TMEM121B: variants seen among roughly 807,000 people sequenced by gnomAD.
The protein encoded by TMEM121B is transmembrane protein 121B.
TMEM121B carries 14 observed loss-of-function variants against 25.1 expected under a neutral mutation model. That is an observed-to-expected ratio of 0.56 (90% CI 0.37 to 0.87). The LOEUF (loss-of-function observed/expected upper bound fraction) is 0.87, where lower values mean the gene tolerates loss of function less well. TMEM121B is among the 40% of genes least tolerant of loss of function. TMEM121B has a pLI of 0.00. For synonymous variants in TMEM121B, 458 were observed against 420.9 expected (o/e 1.09, Z -1.08); for missense variants, 850 against 854.6 (o/e 0.99, Z 0.07).
In TMEM121B at chr22:17,121,176, C is replaced by T. The variant is rs1444298608; in HGVS notation, c.-49G>A. 5 of 1,259,272 alleles carry T rather than the reference C, an allele frequency of 4.0e-6. No homozygotes were observed. The highest frequency in any genetic ancestry group is 5.0e-6 in the Non-Finnish European group (5 of 1,002,074). The allele number at this position is 1,259,272 out of a possible 1,614,324, so 78.0% of individuals were successfully genotyped here. Reference sequence around the variant, plus strand: ...CGCCCAGCTGTTCCCTCCCCGCCAACCCCGGGCGGGCGAGGCGGGCTAGGC... The same window carrying T: ...CGCCCAGCTGTTCCCTCCCCGCCAATCCCGGGCGGGCGAGGCGGGCTAGGC... On this transcript the variant is annotated 5_prime_UTR_variant, in exon 1 of 1. Transcript: ENST00000331437.
Position 17,118,099 on chromosome 22 carries a change from G to GT in TMEM121B, c.*1291_*1292insA, listed in dbSNP as rs2061478078. The GT allele has an allele frequency of 6.6e-6, 1 of 152,194 alleles. No homozygotes were observed. Among genetic ancestry groups the GT allele is most frequent in the Non-Finnish European group, 1.5e-5 (1 of 68,048 alleles). 9.4% of individuals were successfully genotyped at this position (152,194 alleles called of 1,614,324 possible). A position where few individuals can be genotyped will look rare whatever the true frequency, so the allele number is the denominator to read the frequency against. On this transcript the variant is annotated 3_prime_UTR_variant, in exon 1 of 1. Coordinates refer to ENST00000331437, the MANE Select transcript of TMEM121B (RefSeq NM_031890.4). The stretch of plus-strand genomic sequence containing the variant: ...GTAAAAATACTTATCCTGCCTCAAA[G>GT]ACTGCAAGAGTGACATTCCACACCG...
Position 17,119,299 on chromosome 22 carries a change from A to G in TMEM121B, c.*92T>C. The stretch of plus-strand genomic sequence containing the variant: ...GCCCTGAAAAGGGTTACCTCTTCCA[A>G]ATAGACCCTGATCAAATCTAGGTGA... On this transcript the variant is annotated 3_prime_UTR_variant, in exon 1 of 1. Transcript: ENST00000331437. 1 of 1,514,572 alleles carries G rather than the reference A, an allele frequency of 6.6e-7. No homozygotes were observed. Among genetic ancestry groups the G allele is most frequent in the Non-Finnish European group, 8.8e-7 (1 of 1,136,576 alleles). 93.8% of individuals were successfully genotyped at this position (1,514,572 alleles called of 1,614,324 possible).
In TMEM121B at chr22:17,120,409, C is replaced by A; in HGVS notation, c.719G>T (p.Gly240Val). Residue 240 changes from glycine (G) to valine (V), a missense_variant, in exon 1 of 1, where the codon GGC (glycine) becomes GTC (valine). Physicochemically the swap from Gly to Val is moderately radical, Grantham distance 109. Transcript: ENST00000331437. ...WIATDLVVVV[G>V]WAIFFAKNSR... ...GTTCTTGGCGAAGAAGATGGCCCAG[C>A]CCACCACCACCACCAGGTCAGTGGC... 6.4e-7 allele frequency: 1 copy of A among 1,566,534 alleles called. No homozygotes were observed. The highest frequency in any genetic ancestry group is 8.6e-7 in the Non-Finnish European group (1 of 1,162,408).
In TMEM121B at chr22:17,121,145, T is replaced by A. The variant is rs2061498381; in HGVS notation, c.-18A>T. The A allele has an allele frequency of 7.7e-7, 1 of 1,301,770 alleles. No individual in the cohort carries two copies. The highest frequency in any genetic ancestry group is 9.8e-7 in the Non-Finnish European group (1 of 1,024,840). The allele number at this position is 1,301,770 out of a possible 1,614,324, so 80.6% of individuals were successfully genotyped here. A position where few individuals can be genotyped will look rare whatever the true frequency, so the allele number is the denominator to read the frequency against. On this transcript the variant is annotated 5_prime_UTR_variant, in exon 1 of 1. Coordinates refer to ENST00000331437, the MANE Select transcript of TMEM121B (RefSeq NM_031890.4). ...GGGCGCATTGTCCTCCGAGGGGCTCTGGGGCCGCCCAGCTGTTCCCTCCCC... is the reference window on the plus strand; with the variant it reads ...GGGCGCATTGTCCTCCGAGGGGCTCAGGGGCCGCCCAGCTGTTCCCTCCCC...
At position 17,119,671 on chromosome 22, in the gene TMEM121B, C is replaced by G. The variant is rs1164348602; in HGVS notation, c.1457G>C (p.Cys486Ser). The G allele has an allele frequency of 6.5e-7, 1 of 1,543,108 alleles. No homozygotes were observed. Among genetic ancestry groups the G allele is most frequent in the Non-Finnish European group, 8.7e-7 (1 of 1,150,994 alleles). ...LVDVPLLALR[C>S]LLVVSYQQPL... Reference sequence around the variant, plus strand: ...CTGCTGGTAGCTGACCACCAGGAGGCAGCGCAGCGCCAGCAAGGGCACGTC... The same window carrying G: ...CTGCTGGTAGCTGACCACCAGGAGGGAGCGCAGCGCCAGCAAGGGCACGTC... The change falls in exon 1 of 1, where the codon TGC (cysteine) becomes TCC (serine). Residue 486 changes from cysteine (C) to serine (S), a missense_variant. Cys to Ser is a moderately radical substitution (Grantham distance 112). Coordinates refer to ENST00000331437, the MANE Select transcript of TMEM121B (RefSeq NM_031890.4).
rs2061495587 is a variant in TMEM121B, at chr22:17,120,783, G to C, written c.345C>G (p.Ser115=). The change falls in exon 1 of 1, where the codon TCC becomes TCG. Residue 115 remains serine (S), a synonymous_variant. Transcript: ENST00000331437. The part of the protein sequence containing the change: ...PAGPAPVAFS[S]SAATSSSTST... Reference sequence around the variant, plus strand: ...AGGTGGAGGAGGAGGTGGCCGCTGAGGAGGAGAAGGCGACAGGCGCGGGGC... The same window carrying C: ...AGGTGGAGGAGGAGGTGGCCGCTGACGAGGAGAAGGCGACAGGCGCGGGGC... The C allele has an allele frequency of 1.3e-5, 16 of 1,233,484 alleles. No individual in the cohort carries two copies. The highest frequency in any genetic ancestry group is 8.6e-5 in the Admixed American group (2 of 23,124). 76.4% of individuals were successfully genotyped at this position (1,233,484 alleles called of 1,614,324 possible).
rs1425189014 is a variant in TMEM121B at position 17,119,436 on chromosome 22, A to AC, written c.1691dup (p.Ala565CysfsTer40). The AC allele has an allele frequency of 2.5e-6, 4 of 1,607,658 alleles. No individual in the cohort carries two copies. The highest frequency in any genetic ancestry group is 3.4e-6 in the Non-Finnish European group (4 of 1,177,328). ...CCAGGGTGTTGACATAGCCATGAGC[A>AC]CCCCCCTCGTTCTCCGAGATGCAGT... On this transcript the variant is annotated frameshift_variant, in exon 1 of 1. Transcript: ENST00000331437. LOFTEE classifies it high-confidence loss of function.
Position 17,119,164 on chromosome 22 carries a change from G to A in TMEM121B, c.*227C>T, listed in dbSNP as rs2061482818. The A allele has an allele frequency of 3.6e-6, 2 of 554,334 alleles. No homozygotes were observed. Among genetic ancestry groups the A allele is most frequent in the South Asian group, 4.8e-5 (2 of 41,742 alleles). The allele number at this position is 554,334 out of a possible 1,614,324, so 34.3% of individuals were successfully genotyped here. A position where few individuals can be genotyped will look rare whatever the true frequency, so the allele number is the denominator to read the frequency against. ...CCCTTGGAGGTCAGGATTGGGGTAG[G>A]ATAGGAGAAGAGAGGAGAGGGTAAG... On this transcript the variant is annotated 3_prime_UTR_variant, in exon 1 of 1. Transcript: ENST00000331437.
Position 17,119,243 on chromosome 22 carries a change from C to A in TMEM121B, c.*148G>T. 1 of 1,242,344 alleles carries A rather than the reference C, an allele frequency of 8.0e-7. No individual in the cohort carries two copies. The allele number at this position is 1,242,344 out of a possible 1,614,324, so 77.0% of individuals were successfully genotyped here. A position where few individuals can be genotyped will look rare whatever the true frequency, so the allele number is the denominator to read the frequency against. ...TGGTCTCCCTCCAAGCCGTCCTCAC[C>A]CCAGGGTGCAGAAGAACACCCTGGC... On this transcript the variant is annotated 3_prime_UTR_variant, in exon 1 of 1. Transcript: ENST00000331437.
Position 17,119,910 on chromosome 22 carries a change from G to T in TMEM121B, c.1218C>A (p.Ser406Arg). ...CCAGCATCAGCTCCACCAGCGTGAA[G>T]CTGTCGAGCAGGTCCAAGCACGTGC... is the stretch of plus-strand genomic sequence containing the variant. ...FLGTCLDLLDSFTLVELMLEG... is the reference protein window; with the variant it reads ...FLGTCLDLLDRFTLVELMLEG... Residue 406 changes from serine to arginine, a missense_variant, in exon 1 of 1, where the codon AGC (serine) becomes AGA (arginine). Physicochemically the swap from Ser to Arg is moderately radical, Grantham distance 110. Transcript: ENST00000331437. 1 of 1,567,812 alleles carries T rather than the reference G, an allele frequency of 6.4e-7. No homozygotes were observed.
rs1227383153 is a variant in TMEM121B at position 17,119,755 on chromosome 22, T to C, written c.1373A>G (p.Gln458Arg). The change falls in exon 1 of 1, where the codon CAG becomes CGG. Residue 458 changes from glutamine (Q) to arginine (R), a missense_variant. By Grantham distance (43) the Gln-to-Arg change is conservative. Coordinates refer to ENST00000331437, the MANE Select transcript of TMEM121B (RefSeq NM_031890.4). ...AAAAAAASWGQASGPGSCSRL... is the reference protein window; with the variant it reads ...AAAAAAASWGRASGPGSCSRL... ...GCTGCAGCTGCCAGGCCCGGAGGCC[T>C]GGCCCCAGGATGCAGCCGCTGCGGC... 5 of 1,557,958 alleles carry C rather than the reference T, an allele frequency of 3.2e-6. No individual in the cohort carries two copies. The highest frequency in any genetic ancestry group is 3.4e-6 in the Non-Finnish European group (4 of 1,159,554).
rs1211088890 is a variant in TMEM121B at position 17,121,156 on chromosome 22, A to C, written c.-29T>G. 7.8e-7 allele frequency: 1 copy of C among 1,277,538 alleles called. No individual in the cohort carries two copies. The highest frequency in any genetic ancestry group is 9.9e-7 in the Non-Finnish European group (1 of 1,012,328). The allele number at this position is 1,277,538 out of a possible 1,614,324, so 79.1% of individuals were successfully genotyped here. On this transcript the variant is annotated 5_prime_UTR_variant, in exon 1 of 1. Coordinates refer to ENST00000331437, the MANE Select transcript of TMEM121B (RefSeq NM_031890.4). ...CCTCCGAGGGGCTCTGGGGCCGCCC[A>C]GCTGTTCCCTCCCCGCCAACCCCGG...
chr22:17,121,028 C>A lies in TMEM121B; in HGVS notation c.100G>T (p.Gly34Trp). The A allele has an allele frequency of 2.0e-6, 3 of 1,469,014 alleles. No individual in the cohort carries two copies. The highest frequency in any genetic ancestry group is 1.3e-5 in the South Asian group (1 of 77,882). 91.0% of individuals were successfully genotyped at this position (1,469,014 alleles called of 1,614,324 possible). The stretch of plus-strand genomic sequence containing the variant: ...CCTCTCCGGCCGCGGAAGGAGCCCC[C>A]GCGGAGGAAGAGGGGCTGCAGCCGG... The part of the protein sequence containing the change: ...AARLQPLFLR[G>W]GSFRGRRGSG... The change falls in exon 1 of 1, where the codon GGG becomes TGG. Residue 34 changes from glycine (G) to tryptophan (W), a missense_variant. Gly to Trp is a radical substitution (Grantham distance 184). Coordinates refer to ENST00000331437, the MANE Select transcript of TMEM121B (RefSeq NM_031890.4).
chr22:17,119,609 GGAA>G lies in TMEM121B; in HGVS notation c.1516_1518del (p.Phe506del), dbSNP rs766918986. The stretch of plus-strand genomic sequence containing the variant: ...AGGGCCTCCAGGCCCCGGCAGCCGA[GGAA>G]GAAGAGGTTCTTGAGCATGAAGATG... On this transcript the variant is annotated inframe_deletion, in exon 1 of 1. Coordinates refer to ENST00000331437, the MANE Select transcript of TMEM121B (RefSeq NM_031890.4). 3.2e-6 allele frequency: 5 copies of G among 1,542,992 alleles called. No individual in the cohort carries two copies. The highest frequency in any genetic ancestry group is 2.4e-5 in the South Asian group (2 of 84,476).
chr22:17,118,051 G>A lies in TMEM121B; in HGVS notation c.*1340C>T, dbSNP rs1281058810. Reference sequence around the variant, plus strand: ...GTATTTCCTGGCCTTGTTAGCTGCTGTCCTCCTGCACCCTTAAAATATGTA... The same window carrying A: ...GTATTTCCTGGCCTTGTTAGCTGCTATCCTCCTGCACCCTTAAAATATGTA... On this transcript the variant is annotated 3_prime_UTR_variant, in exon 1 of 1. Transcript: ENST00000331437. 6.6e-6 allele frequency: 1 copy of A among 152,148 alleles called. No individual in the cohort carries two copies. Among genetic ancestry groups the A allele is most frequent in the Non-Finnish European group, 1.5e-5 (1 of 68,046 alleles). 9.4% of individuals were successfully genotyped at this position (152,148 alleles called of 1,614,324 possible). A position where few individuals can be genotyped will look rare whatever the true frequency, so the allele number is the denominator to read the frequency against.
rs1308478693 is a variant in TMEM121B at position 17,119,749 on chromosome 22, G to A, written c.1379C>T (p.Ser460Phe). 8.4e-6 allele frequency: 13 copies of A among 1,553,742 alleles called. No homozygotes were observed. The highest frequency in any genetic ancestry group is 7.0e-5 in the South Asian group (6 of 85,892). Residue 460 changes from serine to phenylalanine, a missense_variant, in exon 1 of 1, where the codon TCC (serine) becomes TTC (phenylalanine). Physicochemically the swap from Ser to Phe is radical, Grantham distance 155. Transcript: ENST00000331437. ...AAGGCGGCTGCAGCTGCCAGGCCCGGAGGCCTGGCCCCAGGATGCAGCCGC... is the reference window on the plus strand; with the variant it reads ...AAGGCGGCTGCAGCTGCCAGGCCCGAAGGCCTGGCCCCAGGATGCAGCCGC... ...AAAAASWGQA[S>F]GPGSCSRLLR...
Position 17,120,550 on chromosome 22 carries a change from C to T in TMEM121B, c.578G>A (p.Ser193Asn). 1 of 1,488,758 alleles carries T rather than the reference C, an allele frequency of 6.7e-7. No homozygotes were observed. Among genetic ancestry groups the T allele is most frequent in the Non-Finnish European group, 8.9e-7 (1 of 1,120,146 alleles). 92.2% of individuals were successfully genotyped at this position (1,488,758 alleles called of 1,614,324 possible). A position where few individuals can be genotyped will look rare whatever the true frequency, so the allele number is the denominator to read the frequency against. The part of the protein sequence containing the change: ...RRGRRRGCAP[S>N]PRCRWGYQAL... ...CTGGTAGCCCCAGCGGCACCTGGGA[C>T]TGGGGGCGCAGCCGCGGCGCCGACC... The change falls in exon 1 of 1, where the codon AGT (serine) becomes AAT (asparagine). Residue 193 changes from serine to asparagine, a missense_variant. Transcript: ENST00000331437.
rs1305475662 is a variant in TMEM121B, at chr22:17,121,007, T to C, written c.121A>G (p.Arg41Gly). ...FLRGGSFRGR[R>G]GSGDSSTSTS... The stretch of plus-strand genomic sequence containing the variant: ...CTGGTGCTGCTGTCGCCGGAGCCTC[T>C]CCGGCCGCGGAAGGAGCCCCCGCGG... Residue 41 changes from arginine (R) to glycine (G), a missense_variant, in exon 1 of 1, where the codon AGA (arginine) becomes GGA (glycine). By Grantham distance (125) the Arg-to-Gly change is moderately radical (BLOSUM62 -2). Transcript: ENST00000331437. 6.8e-7 allele frequency: 1 copy of C among 1,467,956 alleles called. No homozygotes were observed. Among genetic ancestry groups the C allele is most frequent in the Admixed American group, 2.2e-5 (1 of 44,506 alleles). 90.9% of individuals were successfully genotyped at this position (1,467,956 alleles called of 1,614,324 possible). A position where few individuals can be genotyped will look rare whatever the true frequency, so the allele number is the denominator to read the frequency against.
At position 17,120,308 on chromosome 22, in the gene TMEM121B, G is replaced by C; in HGVS notation, c.820C>G (p.Leu274Val). ...GCGGCCGAGGGGGCGGGCAGATGCA[G>C]GGGCGGCGCGGCGTGGTGGTGGTGC... is the stretch of plus-strand genomic sequence containing the variant. Reference protein sequence around the residue: ...HLHHHHAAPPLHLPAPSAATA... With the variant: ...HLHHHHAAPPVHLPAPSAATA... Residue 274 changes from leucine to valine, a missense_variant, in exon 1 of 1, where the codon CTG (leucine) becomes GTG (valine). Transcript: ENST00000331437. 7.0e-7 allele frequency: 1 copy of C among 1,438,316 alleles called. No homozygotes were observed. The highest frequency in any genetic ancestry group is 1.4e-5 in the South Asian group (1 of 69,076). 89.1% of individuals were successfully genotyped at this position (1,438,316 alleles called of 1,614,324 possible).
Sources: gnomAD v4.1 joint callset for allele counts on GRCh38, gnomAD v4.1.1 for gene constraint, MANE v1.5 for transcripts, NCBI Gene and HGNC (gene_info 2026-07-23, HGNC 2026-07-21) for gene names.